SLU7: variants seen among roughly 807,000 people sequenced by gnomAD.
SLU7 encodes spliceosome associated SLU7.
Under a neutral mutation model 87.0 loss-of-function variants are expected in SLU7, and 60 were observed. The ratio of observed to expected loss-of-function variants is 0.69; its 90% CI spans 0.56 to 0.86. SLU7 has a LOEUF of 0.86. SLU7 is among the 40% of genes least tolerant of loss of function. The probability of loss-of-function intolerance (pLI) is 0.00; values close to 1 mark genes in which losing one functional copy is unlikely to be tolerated. For missense variants in SLU7, 507 were observed against 686.6 expected, an observed-to-expected ratio of 0.74 and a Z score of 2.92; for synonymous variants, 197 against 222.0, an observed-to-expected ratio of 0.89 and a Z score of 1.00.
In SLU7 at chr5:160,402,597, C is replaced by G. The variant is rs775898808; in HGVS notation, c.*688G>C. The G allele has an allele frequency of 2.0e-5, 3 of 151,932 alleles. No homozygotes were observed. Among genetic ancestry groups the G allele is most frequent in the Non-Finnish European group, 4.4e-5 (3 of 67,978 alleles). The allele number at this position is 151,932 out of a possible 1,614,324, so 9.4% of individuals were successfully genotyped here. A position where few individuals can be genotyped will look rare whatever the true frequency, so the allele number is the denominator to read the frequency against. The stretch of plus-strand genomic sequence containing the variant: ...CAAAGCCCTGTTTTTTTCTCAAAAC[C>G]AAGGTGTGCTAATACTAAATATAGG... On this transcript the variant is annotated 3_prime_UTR_variant, in exon 16 of 16. Transcript: ENST00000297151.
chr5:160,413,858 ACT>A (rs774791320), intron 4 of SLU7, 39 bp downstream of exon 4: 25 of 1,352,992 alleles, frequency 1.8e-5, no homozygotes, highest in Non-Finnish European at 2.4e-5. Flanking sequence ...AAAAAGAAAG[ACT>A]CTGACAACGG....
At chr5:160,414,982 T>C (rs957670931) in intron 2 of SLU7, 143 bp downstream of exon 2, 5 of 633,872 alleles carry the variant, frequency 7.9e-6, no homozygotes, top group African/African-American at 7.4e-5. Flanking sequence ...TATTAAACCA[T>C]ATGCATATGA....
chr5:160,403,511 T>G, intron 15 of SLU7, 47 bp from the exon 16 acceptor site: 1 of 1,485,500 alleles, frequency 6.7e-7, no homozygotes, highest in Non-Finnish European at 9.0e-7. Context: ...ACATCAGATG[T>G]CTTTTCTTCA....
Position 160,407,263 on chromosome 5 carries a change from G to A in SLU7, c.1125+213C>T, listed in dbSNP as rs1192471360. On this transcript the variant is annotated intron_variant, in intron 11 of 15. Transcript: ENST00000297151. The surrounding 1 kb of genome is among the most constrained non-coding windows in gnomAD (Gnocchi z 4.2). The stretch of plus-strand genomic sequence containing the variant: ...TGGCCAACTGTGAGAAACAATAAAT[G>A]TTTATTTTAAGCTATTAAGATTTGA... Among the ~76,000 whole-genome samples the A allele has an allele frequency of 6.6e-6, 1 of 152,156 alleles. No homozygotes were observed. Among genetic ancestry groups the A allele is most frequent in the Non-Finnish European group, 1.5e-5 (1 of 68,022 alleles).
chr5:160,415,081 T>C lies in SLU7; in HGVS notation c.170+44A>G, dbSNP rs181739225. 155 of 1,473,304 alleles carry C rather than the reference T, an allele frequency of 1.1e-4. No individual in the cohort carries two copies. The African/African-American group carries it at 2.0e-3, about 19-fold the overall frequency. The allele number at this position is 1,473,304 out of a possible 1,614,324, so 91.3% of individuals were successfully genotyped here. On this transcript the variant is annotated intron_variant, in intron 2 of 15. Coordinates refer to ENST00000297151, the MANE Select transcript of SLU7 (RefSeq NM_006425.5). ...ATTAATAAACTAAGTAGACATGAAT[T>C]TGAATTCTGAATGAATGGATCATAC...
At position 160,404,431 on chromosome 5, in the gene SLU7, A is replaced by C. The variant is rs1166824933; in HGVS notation, c.1581+9T>G. Reference sequence around the variant, plus strand: ...TTGTCACTTTTACTATTTAGACTTCACAAATTACCTTTTTCAATTTTTCAT... The same window carrying C: ...TTGTCACTTTTACTATTTAGACTTCCCAAATTACCTTTTTCAATTTTTCAT... On this transcript the variant is annotated intron_variant, in intron 15 of 15. Transcript: ENST00000297151. The C allele has an allele frequency of 1.3e-6, 2 of 1,507,446 alleles. No individual in the cohort carries two copies. Among genetic ancestry groups the C allele is most frequent in the Admixed American group, 3.6e-5 (2 of 55,576 alleles). 93.4% of individuals were successfully genotyped at this position (1,507,446 alleles called of 1,614,324 possible).
chr5:160,406,387 T>A, intron 12 of SLU7, 81 bp downstream of exon 12: 1 of 1,048,210 alleles, frequency 9.5e-7, no homozygotes, highest in South Asian at 2.4e-5. Flanking sequence ...TACAAATGGT[T>A]AGCTAATAAA....
intron 1 of SLU7, among the ~76,000 whole-genome samples, chr5:160,416,630 C>A (rs1350127104): frequency 6.6e-6 from 1 of 152,210 alleles, no homozygotes; most frequent in East Asian, 1.9e-4. Context: ...ACATCTATCT[C>A]ATCACTAAGA....
intron 2 of SLU7, among the ~76,000 whole-genome samples, 169 bp downstream of exon 2, chr5:160,414,956 T>C (rs1042243375): frequency 6.6e-6 from 1 of 152,198 alleles, no homozygotes; most frequent in Admixed American, 6.5e-5. Flanking sequence ...TTATAAGCCC[T>C]TCAACATAAT....
At chr5:160,410,875 T>TC (rs1277105895) in intron 6 of SLU7, among the ~76,000 whole-genome samples, 1 of 151,726 alleles carries the variant, frequency 6.6e-6, no homozygotes, top group Non-Finnish European at 1.5e-5. Flanking sequence ...ATTCACTTTT[T>TC]TTTTTTTTTG....
intron 2 of SLU7, among the ~76,000 whole-genome samples, chr5:160,414,871 A>C (rs1239744897): frequency 6.6e-6 from 1 of 152,218 alleles, no homozygotes; most frequent in Non-Finnish European, 1.5e-5. Context: ...AACTCAAAAT[A>C]GAAAGATTTC....
chr5:160,404,498 T>C lies in SLU7; in HGVS notation c.1523A>G (p.His508Arg). 1.9e-6 allele frequency: 3 copies of C among 1,612,360 alleles called. No homozygotes were observed. Among genetic ancestry groups the C allele is most frequent in the Non-Finnish European group, 1.7e-6 (2 of 1,179,254 alleles). ...ATCACTATCTGAACTGCTCTTTCGA[T>C]GCTTCTTCTTTTTCTTTTTCTTCTT... ...KKKKKKKKKK[H>R]RKSSSDSDDE... The change falls in exon 15 of 16, where the codon CAT (histidine) becomes CGT (arginine). Residue 508 changes from histidine (H) to arginine (R), a missense_variant. Coordinates refer to ENST00000297151, the MANE Select transcript of SLU7 (RefSeq NM_006425.5).
chr5:160,417,782 A>C (rs1157725470), intron 1 of SLU7, among the ~76,000 whole-genome samples: 4 of 119,610 alleles, frequency 3.3e-5, no homozygotes, highest in African/African-American at 6.3e-5. Context: ...ACAGAGCTAG[A>C]CTACGTCTCA....
At position 160,413,950 on chromosome 5, in the gene SLU7, T is replaced by C. The variant is rs1268757009; in HGVS notation, c.354A>G (p.Gly118=). ...TCATGGCCCCACAATTTTCACATGC[T>C]CCTTTGCGGTACTTAGTAATTATGG... is the stretch of plus-strand genomic sequence containing the variant. The part of the protein sequence containing the change: ...ENSIITKYRK[G]ACENCGAMTH... The change falls in exon 4 of 16, where the codon GGA becomes GGG. Residue 118 remains glycine (G), a synonymous_variant. Coordinates refer to ENST00000297151, the MANE Select transcript of SLU7 (RefSeq NM_006425.5). The C allele has an allele frequency of 3.1e-6, 5 of 1,597,910 alleles. No individual in the cohort carries two copies. Among genetic ancestry groups the C allele is most frequent in the Non-Finnish European group, 4.3e-6 (5 of 1,172,790 alleles).
At chr5:160,408,284 A>C in intron 8 of SLU7, 45 bp downstream of exon 8, 1 of 1,576,274 alleles carries the variant, frequency 6.3e-7, no homozygotes, top group Non-Finnish European at 8.6e-7. Context: ...TATGCTGGGA[A>C]GACAAGTATT....
intron 1 of SLU7, among the ~76,000 whole-genome samples, chr5:160,418,149 T>A (rs1247296259): frequency 6.6e-6 from 1 of 152,248 alleles, no homozygotes; most frequent in Non-Finnish European, 1.5e-5. Context: ...ACTGATGGCC[T>A]AAATATACTG....
In SLU7 at chr5:160,404,847, C is replaced by T. The variant is rs760889373; in HGVS notation, c.1426G>A (p.Gly476Arg). Reference protein sequence around the residue: ...SEECIINEITGEESVKKPQTL... With the variant: ...SEECIINEITREESVKKPQTL... ...TGAGGTTTTTTCACAGATTCTTCCC[C>T]AGTTATCTCATTTATAATACACTCC... is the stretch of plus-strand genomic sequence containing the variant. Residue 476 changes from glycine to arginine, a missense_variant, in exon 14 of 16, where the codon GGG becomes AGG. Around this residue, in one of 6 missense-constraint regions of SLU7, gnomAD observed 201 missense variants for 213.4 expected, o/e 0.94. Coordinates refer to ENST00000297151, the MANE Select transcript of SLU7 (RefSeq NM_006425.5). The T allele has an allele frequency of 1.7e-5, 27 of 1,610,992 alleles. No homozygotes were observed. Among genetic ancestry groups the T allele is most frequent in the Non-Finnish European group, 2.2e-5 (26 of 1,177,196 alleles).
At chr5:160,415,439 G>T in intron 1 of SLU7, 129 bp from the exon 2 acceptor site, 1 of 593,474 alleles carries the variant, frequency 1.7e-6, no homozygotes, top group Non-Finnish European at 2.6e-6. Context: ...GTGTAAGGAA[G>T]GGTCTCTTCC....
In SLU7 at chr5:160,403,455, C is replaced by T. The variant is rs751882669; in HGVS notation, c.1591G>A (p.Ala531Thr). Residue 531 changes from alanine to threonine, a missense_variant, in exon 16 of 16, where the codon GCA (alanine) becomes ACA (threonine). Physicochemically the swap from Ala to Thr is moderately conservative, Grantham distance 58. Coordinates refer to ENST00000297151, the MANE Select transcript of SLU7 (RefSeq NM_006425.5). ...KHEKLKKALN[A>T]EEARLLHVKE... ...ACATGAAGAAGGCGGGCCTCCTCTG[C>T]GTTCAGTGCCTATAGTGAGAGGAAT... 1.4e-5 allele frequency: 23 copies of T among 1,605,658 alleles called. No individual in the cohort carries two copies. Among genetic ancestry groups the T allele is most frequent in the African/African-American group, 4.0e-5 (3 of 74,394 alleles).
Sources: allele counts gnomAD v4.1 joint callset (sites outside exome capture counted in the v4.1 genomes callset), GRCh38; gene constraint gnomAD v4.1.1; regional missense constraint gnomAD v4.1.1; non-coding constraint Gnocchi (gnomAD v3.1); transcripts MANE v1.5; gene names NCBI Gene and HGNC (gene_info 2026-07-23, HGNC 2026-07-21).